NRCAM: variants seen among roughly 807,000 people sequenced by gnomAD.
The protein encoded by NRCAM is neuronal cell adhesion molecule.
In NRCAM, 83 loss-of-function variants were observed where a neutral mutation model predicts 156.5. That is an observed-to-expected ratio of 0.53 (90% CI 0.44 to 0.64). NRCAM has a LOEUF of 0.64. Among genes scored for constraint, NRCAM ranks in the 30% least tolerant of loss-of-function variants. The pLI is 0.00. For synonymous variants in NRCAM, 538 were observed against 563.9 expected (o/e 0.95, Z 0.65); for missense variants, 1,417 against 1,597.3 (o/e 0.89, Z 1.92).
At chr7:108,271,348 AAC>A (rs1194093515) in intron 3 of NRCAM, among the ~76,000 whole-genome samples, 1 of 152,182 alleles carries the variant, frequency 6.6e-6, no homozygotes, top group Non-Finnish European at 1.5e-5. Context: ...ATTCATTCAA[AAC>A]ACACTCCTAC....
In NRCAM at chr7:108,182,796, C is replaced by T; in HGVS notation, c.2429G>A (p.Gly810Asp). ...VANVSKYIVS[G>D]TPTFVPYLIK... is the part of the protein sequence containing the mutation. Reference sequence around the variant, plus strand: ...CAGGTATGGAACAAAGGTTGGCGTGCCTGAGACAATATATTTGGATACATT... The same window carrying T: ...CAGGTATGGAACAAAGGTTGGCGTGTCTGAGACAATATATTTGGATACATT... The change falls in exon 23 of 33, where the codon GGC becomes GAC. Residue 810 changes from glycine to aspartate, a missense_variant. Transcript: ENST00000379028. 1 of 1,614,206 alleles carries T rather than the reference C, an allele frequency of 6.2e-7. No homozygotes were observed. The highest frequency in any genetic ancestry group is 8.5e-7 in the Non-Finnish European group (1 of 1,180,032).
At chr7:108,192,828 G>A (rs1223571088) in intron 17 of NRCAM, among the ~76,000 whole-genome samples, 2 of 152,186 alleles carry the variant, frequency 1.3e-5, no homozygotes, top group African/African-American at 4.8e-5. Flanking sequence ...GAAACAGGAA[G>A]ATTTAGATGA....
Position 108,182,742 on chromosome 7 carries a change from C to T in NRCAM, c.2483G>A (p.Gly828Glu). The change falls in exon 23 of 33, where the codon GGG becomes GAG. Residue 828 changes from glycine to glutamate, a missense_variant. Transcript: ENST00000379028. Reference sequence around the variant, plus strand: ...GACTACAGCTGGCTCGGGGGCAAACCCCATGTCATTCAGGGCCTGAACTTT... The same window carrying T: ...GACTACAGCTGGCTCGGGGGCAAACTCCATGTCATTCAGGGCCTGAACTTT... ...LIKVQALNDMGFAPEPAVVMG... is the reference protein window; with the variant it reads ...LIKVQALNDMEFAPEPAVVMG... The T allele has an allele frequency of 6.2e-7, 1 of 1,614,228 alleles. No individual in the cohort carries two copies. The highest frequency in any genetic ancestry group is 1.7e-5 in the Admixed American group (1 of 60,030).
chr7:108,269,164 GAA>G (rs563265399), intron 3 of NRCAM, among the ~76,000 whole-genome samples: 4 of 105,824 alleles, frequency 3.8e-5, no homozygotes, highest in Admixed American at 1.0e-4. Flanking sequence ...TGCTGTATTT[GAA>G]AAAAAAAAAA....
chr7:108,436,303 T>A (rs1363920032), intron 1 of NRCAM, among the ~76,000 whole-genome samples: 1 of 152,206 alleles, frequency 6.6e-6, no homozygotes, highest in Non-Finnish European at 1.5e-5. Flanking sequence ...GAATAAGATG[T>A]AATGTAAAAC....
chr7:108,252,334 T>G (rs2096397746), intron 3 of NRCAM, among the ~76,000 whole-genome samples: 1 of 152,232 alleles, frequency 6.6e-6, no homozygotes. Flanking sequence ...CCAGTTAGTC[T>G]GTCTGAGGAA....
At chr7:108,218,429 A>T (rs530516647) in intron 11 of NRCAM, among the ~76,000 whole-genome samples, 1 of 152,308 alleles carries the variant, frequency 6.6e-6, no homozygotes, top group Non-Finnish European at 1.5e-5. Flanking sequence ...AGCACATGGA[A>T]CTTTCTTGAA....
At chr7:108,200,756 AC>A (rs2153517248) in intron 13 of NRCAM, among the ~76,000 whole-genome samples, 2 of 137,422 alleles carry the variant, frequency 1.5e-5, no homozygotes, top group East Asian at 3.9e-4. Context: ...ACACACACAC[AC>A]ACACACACAC....
chr7:108,195,955 C>G (rs1448799531), intron 14 of NRCAM, 83 bp from the exon 15 acceptor site: 1 of 918,958 alleles, frequency 1.1e-6, no homozygotes, highest in East Asian at 2.6e-5. Context: ...GTTTTAAGGT[C>G]ATTAAAGTTT....
intron 26 of NRCAM, among the ~76,000 whole-genome samples, chr7:108,177,238 C>T (rs1426104510): frequency 6.6e-6 from 1 of 151,884 alleles, no homozygotes; most frequent in African/African-American, 2.4e-5. Context: ...TAGGTGAAAG[C>T]TAAAAAAAGT....
At chr7:108,249,292 C>T (rs1011998715) in intron 3 of NRCAM, among the ~76,000 whole-genome samples, 3 of 152,170 alleles carry the variant, frequency 2.0e-5, no homozygotes, top group African/African-American at 4.8e-5. Flanking sequence ...ATTCCACTTG[C>T]TATCAGTGCA....
At chr7:108,269,254 G>A (rs2097246247) in intron 3 of NRCAM, among the ~76,000 whole-genome samples, 1 of 152,096 alleles carries the variant, frequency 6.6e-6, no homozygotes, top group Admixed American at 6.5e-5. Flanking sequence ...GACAGGATCA[G>A]CATTGCTGAT....
At chr7:108,361,475 C>G (rs1053378262) in intron 2 of NRCAM, among the ~76,000 whole-genome samples, 1 of 152,194 alleles carries the variant, frequency 6.6e-6, no homozygotes, top group African/African-American at 2.4e-5. Context: ...CTGAATTGAA[C>G]AAAGAGGCTG....
intron 10 of NRCAM, among the ~76,000 whole-genome samples, chr7:108,224,519 T>C (rs2093077637): frequency 6.6e-6 from 1 of 152,134 alleles, no homozygotes; most frequent in Non-Finnish European, 1.5e-5. Context: ...CAGGCCATCT[T>C]CTTTTTTATG....
At chr7:108,366,353 A>G (rs535585289) in intron 2 of NRCAM, among the ~76,000 whole-genome samples, 1 of 152,358 alleles carries the variant, frequency 6.6e-6, no homozygotes, top group Middle Eastern at 3.4e-3. Flanking sequence ...CAGAAATTTT[A>G]TAAGACTGCA....
At chr7:108,426,641 C>A (rs1817652791) in intron 1 of NRCAM, among the ~76,000 whole-genome samples, 1 of 152,208 alleles carries the variant, frequency 6.6e-6, no homozygotes, top group Non-Finnish European at 1.5e-5. Flanking sequence ...CAGATTAAGA[C>A]CACCTGTCAT....
At chr7:108,422,640 G>A (rs958666424) in intron 1 of NRCAM, among the ~76,000 whole-genome samples, 2 of 151,930 alleles carry the variant, frequency 1.3e-5, no homozygotes, top group African/African-American at 4.8e-5. Context: ...AAAAGAAAAG[G>A]GCAATAGGAA....
At chr7:108,221,548 C>A (rs554867045) in intron 11 of NRCAM, among the ~76,000 whole-genome samples, 4 of 152,054 alleles carry the variant, frequency 2.6e-5, no homozygotes, top group Non-Finnish European at 5.9e-5. Flanking sequence ...ATGGCATTTG[C>A]GGTGACCTGG....
intron 1 of NRCAM, among the ~76,000 whole-genome samples, chr7:108,434,867 T>C (rs980131999): frequency 2.6e-5 from 4 of 152,152 alleles, no homozygotes; most frequent in Non-Finnish European, 5.9e-5. Context: ...ACAGATTTAC[T>C]ACAAACAAGT....
Sources: gnomAD v4.1 joint callset for allele counts (sites outside exome capture counted in the v4.1 genomes callset) on GRCh38, gnomAD v4.1.1 for gene constraint, MANE v1.5 for transcripts, NCBI Gene and HGNC (gene_info 2026-07-23, HGNC 2026-07-21) for gene names.